The following BICC1 variants were observed in gnomAD, a reference collection of about 807,000 sequenced individuals.
The protein encoded by BICC1 is protein bicaudal C homolog 1.
BICC1 carries 43 observed loss-of-function variants against 111.0 expected under a neutral mutation model. That is an observed-to-expected ratio of 0.39 (90% CI 0.30 to 0.50). The LOEUF (loss-of-function observed/expected upper bound fraction) is 0.50. Ranked by LOEUF, BICC1 falls within the 20% of genes least tolerant of loss-of-function variation. The pLI is 0.88. For missense variants in BICC1, 1,091 were observed against 1,203.2 expected (o/e 0.91, Z 1.38); for synonymous variants, 467 against 434.4 (o/e 1.07, Z -0.93).
chr10:58,561,572 G>A (rs1464589531), intron 1 of BICC1, among the ~76,000 whole-genome samples: 1 of 151,960 alleles, frequency 6.6e-6, no homozygotes, highest in African/African-American at 2.4e-5. Context: ...CTATTGATAG[G>A]TGAGAGCACA....
intron 1 of BICC1, among the ~76,000 whole-genome samples, chr10:58,544,038 A>C (rs981772581): frequency 6.6e-6 from 1 of 152,052 alleles, no homozygotes; most frequent in Non-Finnish European, 1.5e-5. Flanking sequence ...AAAAGGTAGC[A>C]CTTTCTGTGT....
chr10:58,584,072 ACAC>A (rs1844364021), intron 1 of BICC1, among the ~76,000 whole-genome samples: 1 of 151,152 alleles, frequency 6.6e-6, no homozygotes, highest in African/African-American at 2.4e-5. Flanking sequence ...ACACACACAC[ACAC>A]ACACACACAC....
At chr10:58,563,185 G>C (rs2131955472) in intron 1 of BICC1, among the ~76,000 whole-genome samples, 1 of 152,210 alleles carries the variant, frequency 6.6e-6, no homozygotes, top group Admixed American at 6.5e-5. Context: ...AGGGATATTA[G>C]GCCCCAGGGA....
chr10:58,581,047 A>T (rs1007799862), intron 1 of BICC1, among the ~76,000 whole-genome samples: 8 of 152,084 alleles, frequency 5.3e-5, no homozygotes, highest in Admixed American at 2.0e-4. Flanking sequence ...TAAGAATTTT[A>T]TTTTCCTTTT....
chr10:58,553,579 G>A (rs1364223012), intron 1 of BICC1, among the ~76,000 whole-genome samples: 1 of 152,100 alleles, frequency 6.6e-6, no homozygotes, highest in African/African-American at 2.4e-5. Context: ...AAGTTGCTAA[G>A]TTTGTATTAT....
At chr10:58,768,568 C>T (rs1842523506) in intron 3 of BICC1, among the ~76,000 whole-genome samples, 1 of 152,070 alleles carries the variant, frequency 6.6e-6, no homozygotes, top group South Asian at 2.1e-4. Context: ...CTCCAATATC[C>T]TAATGATGGT....
intron 2 of BICC1, among the ~76,000 whole-genome samples, chr10:58,662,202 A>C (rs911445090): frequency 1.3e-5 from 2 of 152,228 alleles, no homozygotes; most frequent in Admixed American, 6.5e-5. Context: ...CAAATGACAC[A>C]TATCTTGGAC....
chr10:58,542,991 G>A (rs1394369098), intron 1 of BICC1, among the ~76,000 whole-genome samples: 3 of 151,966 alleles, frequency 2.0e-5, no homozygotes, highest in Admixed American at 6.6e-5. Context: ...CAAAATTACC[G>A]TATAATTCAG....
chr10:58,514,394 T>A (rs1225652674), intron 1 of BICC1, among the ~76,000 whole-genome samples: 1 of 152,236 alleles, frequency 6.6e-6, no homozygotes, highest in Admixed American at 6.5e-5. Context: ...CAAACGTTAT[T>A]TGTGGCTTTA....
At chr10:58,611,480 CTTT>C (rs1198647396) in intron 1 of BICC1, among the ~76,000 whole-genome samples, 1 of 142,366 alleles carries the variant, frequency 7.0e-6, no homozygotes. Flanking sequence ...TTTGTTTCTT[CTTT>C]TTTTTTTTTT....
intron 2 of BICC1, among the ~76,000 whole-genome samples, chr10:58,664,526 GTC>G (rs1185643743): frequency 1.3e-5 from 2 of 151,988 alleles, no homozygotes; most frequent in Non-Finnish European, 2.9e-5. Context: ...TAGTTTTTAT[GTC>G]TCTGGTAAAA....
At chr10:58,606,096 G>A (rs1272977514) in intron 1 of BICC1, among the ~76,000 whole-genome samples, 3 of 151,808 alleles carry the variant, frequency 2.0e-5, no homozygotes, top group Non-Finnish European at 4.4e-5. Context: ...AGGCCTGTTG[G>A]CCTGCTTCAT....
intron 3 of BICC1, among the ~76,000 whole-genome samples, chr10:58,754,760 A>G (rs199981734): frequency 5.2e-4 from 77 of 148,852 alleles, no homozygotes; most frequent in Middle Eastern, 3.4e-3. Context: ...GGGGGTGTGT[A>G]TGTGTGTGTG....
In BICC1 at chr10:58,571,299, A is replaced by T. The variant is rs139337343; in HGVS notation, c.191-49556A>T. The stretch of plus-strand genomic sequence containing the variant: ...ACTTTTTCGTTGCAGTTAGATAATC[A>T]GGTTTTATATTTTTATTTATATAAT... On this transcript the variant is annotated intron_variant, in intron 1 of 20. Coordinates refer to ENST00000373886, the MANE Select transcript of BICC1 (RefSeq NM_001080512.3). Among the ~76,000 whole-genome samples, 258 of 152,234 alleles carry T rather than the reference A, an allele frequency of 1.7e-3. 2 individuals are homozygous for T. Among genetic ancestry groups the T allele is most frequent in the African/African-American group, 6.0e-3 (248 of 41,554 alleles).
chr10:58,774,681 G>A (rs749253820), intron 3 of BICC1, among the ~76,000 whole-genome samples: 22 of 152,098 alleles, frequency 1.4e-4, no homozygotes, highest in Non-Finnish European at 7.4e-5. Flanking sequence ...ATTTCCAAAT[G>A]ACTTTCCAGA....
intron 1 of BICC1, among the ~76,000 whole-genome samples, chr10:58,577,118 T>C (rs1844136543): frequency 6.6e-6 from 1 of 152,192 alleles, no homozygotes; most frequent in Non-Finnish European, 1.5e-5. Flanking sequence ...GCTGGACCTG[T>C]GATCCTCACA....
At position 58,513,254 on chromosome 10, in the gene BICC1, C is replaced by G. The variant is rs980248083; in HGVS notation, c.111C>G (p.Ala37=). 4 of 1,613,146 alleles carry G rather than the reference C, an allele frequency of 2.5e-6. No individual in the cohort carries two copies. Among genetic ancestry groups the G allele is most frequent in the South Asian group, 1.1e-5 (1 of 91,022 alleles). ...CCGGCTCCGAGGACGACTTGGTCGC[C>G]GGGGCGACCCTGCACAGCCCGGAGT... ...PVPGSEDDLV[A]GATLHSPEWS... The change falls in exon 1 of 21, where the codon GCC becomes GCG. Residue 37 remains alanine (A), a synonymous_variant. Coordinates refer to ENST00000373886, the MANE Select transcript of BICC1 (RefSeq NM_001080512.3).
rs758694619 is a variant in BICC1 at position 58,806,658 on chromosome 10, ATT to A, written c.2221+38_2221+39del. On this transcript the variant is annotated intron_variant, in intron 16 of 20. Coordinates refer to ENST00000373886, the MANE Select transcript of BICC1 (RefSeq NM_001080512.3). Reference sequence around the variant, plus strand: ...ACACTAATAACTTACACTTGACTATATTTTAGTACACTCATAAATGTTTTTTG... The same window carrying A: ...ACACTAATAACTTACACTTGACTATATTAGTACACTCATAAATGTTTTTTG... 8 of 1,526,360 alleles carry A rather than the reference ATT, an allele frequency of 5.2e-6. No homozygotes were observed. The Admixed American group carries it at 1.4e-4, about 26-fold the overall frequency. 94.6% of individuals were successfully genotyped at this position (1,526,360 alleles called of 1,614,324 possible).
chr10:58,564,478 G>A (rs1465177346), intron 1 of BICC1, among the ~76,000 whole-genome samples: 1 of 152,212 alleles, frequency 6.6e-6, no homozygotes, highest in African/African-American at 2.4e-5. Context: ...TGAGATCACT[G>A]TAAGCTGCTC....
Sources: allele counts gnomAD v4.1 joint callset (sites outside exome capture counted in the v4.1 genomes callset), GRCh38; gene constraint gnomAD v4.1.1; transcripts MANE v1.5; gene names NCBI Gene and HGNC (gene_info 2026-07-23, HGNC 2026-07-21).